OCA2: variants seen among roughly 807,000 people sequenced by gnomAD.
OCA2 encodes the protein OCA2 melanosomal transmembrane protein, also known as P protein.
OCA2 carries 77 observed loss-of-function variants against 100.2 expected under a neutral mutation model. The observed-to-expected ratio is 0.77, with a 90% CI of 0.64 to 0.93. The LOEUF (loss-of-function observed/expected upper bound fraction) is 0.93, where lower values mean the gene tolerates loss of function less well. Ranked by LOEUF, OCA2 falls within the 40% of genes least tolerant of loss-of-function variation. The pLI, the probability that OCA2 is intolerant of heterozygous loss-of-function variation, is 0.00. For synonymous variants in OCA2, 432 were observed against 439.2 expected (o/e 0.98, Z 0.21); for missense variants, 1,062 against 1,089.1 (o/e 0.98, Z 0.35).
chr15:27,975,280 TAAAAAG>T (rs992265850), intron 14 of OCA2, among the ~76,000 whole-genome samples: 1 of 152,066 alleles, frequency 6.6e-6, no homozygotes, highest in Non-Finnish European at 1.5e-5. Context: ...AATATTGTCT[TAAAAAG>T]AAGAAAAAAA....
At position 28,036,990 on chromosome 15, in the gene OCA2, T is replaced by A. The variant is rs116826419; in HGVS notation, c.228-4827A>T. On this transcript the variant is annotated intron_variant, in intron 2 of 23. Transcript: ENST00000354638. ...AAAGTGCTTTCACTGCCTTAACCTG[T>A]GCATGACCAAATTCACATCCACAGA... 3.1e-3 allele frequency among the ~76,000 whole-genome samples: 477 copies of A among 152,216 alleles called. 3 individuals are homozygous for A. The highest frequency in any genetic ancestry group is 0.011 in the African/African-American group (448 of 41,544).
intron 19 of OCA2, among the ~76,000 whole-genome samples, chr15:27,909,317 C>T (rs2038297696): frequency 6.6e-6 from 1 of 152,142 alleles, no homozygotes; most frequent in African/African-American, 2.4e-5. Context: ...ATATAGATGA[C>T]AGCTATTGCC....
chr15:28,004,624 T>G (rs1174984680), intron 9 of OCA2, among the ~76,000 whole-genome samples: 1 of 151,676 alleles, frequency 6.6e-6, no homozygotes, highest in South Asian at 2.1e-4. Context: ...AGTCACACAC[T>G]GTGACACCCA....
intron 16 of OCA2, 129 bp from the exon 17 acceptor site, chr15:27,955,344 C>T (rs1456896186): frequency 1.3e-6 from 1 of 754,938 alleles, no homozygotes; most frequent in East Asian, 2.4e-5. Flanking sequence ...CAGGACTAGT[C>T]ATGGGGGGCC....
intron 9 of OCA2, among the ~76,000 whole-genome samples, chr15:28,007,448 G>T (rs1194827850): frequency 1.3e-5 from 2 of 152,066 alleles, no homozygotes; most frequent in African/African-American, 4.8e-5. Context: ...TTACAAGGAT[G>T]GGCCGGGCAT....
intron 18 of OCA2, among the ~76,000 whole-genome samples, chr15:27,940,414 AG>A (rs1320507033): frequency 6.6e-6 from 1 of 152,214 alleles, no homozygotes; most frequent in Non-Finnish European, 1.5e-5. Context: ...ACACATTCCT[AG>A]CCTGGCATTT....
At chr15:28,088,487 T>C (rs1375161818) in intron 1 of OCA2, among the ~76,000 whole-genome samples, 1 of 152,202 alleles carries the variant, frequency 6.6e-6, no homozygotes, top group Non-Finnish European at 1.5e-5. Flanking sequence ...CAAGAAACAT[T>C]ATGGATAAAT....
the OCA2 span, among the ~76,000 whole-genome samples, chr15:27,745,471 A>C: frequency 6.6e-6 from 1 of 152,230 alleles, no homozygotes; most frequent in Non-Finnish European, 1.5e-5. Context: ...CTGTTCCCTT[A>C]ACCGTAAACC....
intron 23 of OCA2, among the ~76,000 whole-genome samples, chr15:27,769,614 C>T (rs73370379): frequency 0.049 from 7,492 of 152,180 alleles, 608 homozygotes; most frequent in African/African-American, 0.17. Context: ...TGGAACCAGA[C>T]ACCACCTGTT....
At chr15:27,759,572 C>T (rs2030662865) in intron 23 of OCA2, among the ~76,000 whole-genome samples, 1 of 151,284 alleles carries the variant, frequency 6.6e-6, no homozygotes, top group Non-Finnish European at 1.5e-5. Context: ...ATTTCCAAGG[C>T]AGAGAGGGAT....
intron 2 of OCA2, among the ~76,000 whole-genome samples, chr15:28,078,730 A>C (rs1448017368): frequency 6.6e-6 from 1 of 152,224 alleles, no homozygotes; most frequent in Non-Finnish European, 1.5e-5. Flanking sequence ...AGCTGTGCCC[A>C]GATTTCTGAC....
intron 8 of OCA2, 120 bp downstream of exon 8, chr15:28,015,984 T>C (rs1329019123): frequency 2.6e-6 from 2 of 781,224 alleles, no homozygotes; most frequent in Non-Finnish European, 4.6e-6. Flanking sequence ...GAGTGCCGTG[T>C]CCAAGTCACA....
intron 21 of OCA2, among the ~76,000 whole-genome samples, chr15:27,857,758 G>A (rs1368764840): frequency 2.0e-5 from 3 of 152,048 alleles, no homozygotes; most frequent in African/African-American, 4.8e-5. Flanking sequence ...TGGAGAGAAA[G>A]AGACAGGAAA....
At chr15:28,021,318 C>A (rs1245965457) in intron 6 of OCA2, among the ~76,000 whole-genome samples, 2 of 152,094 alleles carry the variant, frequency 1.3e-5, no homozygotes, top group East Asian at 3.9e-4. Context: ...AACAGCCCTC[C>A]CACCCTTTCA....
At chr15:28,038,151 A>C (rs1226431991) in intron 2 of OCA2, among the ~76,000 whole-genome samples, 1 of 151,944 alleles carries the variant, frequency 6.6e-6, no homozygotes, top group African/African-American at 2.4e-5. Context: ...TCCTGGCTTC[A>C]CTGACCCAAG....
At chr15:28,011,649 C>CT (rs1269658221) in intron 9 of OCA2, among the ~76,000 whole-genome samples, 1 of 152,076 alleles carries the variant, frequency 6.6e-6, no homozygotes, top group East Asian at 1.9e-4. Flanking sequence ...GGCACAGTGG[C>CT]TCATGACTGT....
intron 2 of OCA2, among the ~76,000 whole-genome samples, chr15:28,077,173 C>T (rs1273016157): frequency 6.6e-6 from 1 of 151,808 alleles, no homozygotes; most frequent in Non-Finnish European, 1.5e-5. Flanking sequence ...AATTCTCCTG[C>T]CTGAGCCTCC....
rs1301603320 is a variant in OCA2, at chr15:27,831,099, A to T, written c.2432+13860T>A. 2.0e-5 allele frequency among the ~76,000 whole-genome samples: 3 copies of T among 152,026 alleles called. No homozygotes were observed. In the East Asian group the frequency reaches 5.8e-4, roughly 29 times the overall value. ...TCAGGAGATGGAGACCATCCTGGCCAACACGGTGAAAACTCATCTCTACTA... is the reference window on the plus strand; with the variant it reads ...TCAGGAGATGGAGACCATCCTGGCCTACACGGTGAAAACTCATCTCTACTA... On this transcript the variant is annotated intron_variant, in intron 23 of 23. Coordinates refer to ENST00000354638, the MANE Select transcript of OCA2 (RefSeq NM_000275.3).
intron 3 of OCA2, 126 bp from the exon 4 acceptor site, chr15:28,028,185 CAGT>C (rs533303188): frequency 4.2e-4 from 443 of 1,052,130 alleles, no homozygotes; most frequent in Non-Finnish European, 6.1e-4. Flanking sequence ...GGACCACAGA[CAGT>C]GGTGCACTCT....
Sources: allele counts gnomAD v4.1 joint callset (sites outside exome capture counted in the v4.1 genomes callset), GRCh38; gene constraint gnomAD v4.1.1; transcripts MANE v1.5; gene names NCBI Gene and HGNC (gene_info 2026-07-23, HGNC 2026-07-21).